Variants in CSMD1 observed in about 807,000 individuals in gnomAD.
CSMD1 encodes the protein CUB and sushi domain-containing protein 1.
CSMD1 carries 213 observed loss-of-function variants against 417.5 expected under a neutral mutation model. The ratio of observed to expected loss-of-function variants is 0.51; its 90% CI spans 0.46 to 0.57. The LOEUF (loss-of-function observed/expected upper bound fraction) is 0.57, where lower values mean the gene tolerates loss of function less well. CSMD1 is among the 20% of genes least tolerant of loss of function. The pLI, the probability that CSMD1 is intolerant of heterozygous loss-of-function variation, is 0.00. For missense variants in CSMD1, 6,923 were observed against 4,529.7 expected (o/e 1.53, Z -15.17); for synonymous variants, 2,862 against 1,736.8 (o/e 1.65, Z -16.11).
intron 5 of CSMD1, among the ~76,000 whole-genome samples, chr8:3,758,928 G>C: frequency 6.6e-6 from 1 of 152,180 alleles, no homozygotes. Flanking sequence ...AGGTAGAAGA[G>C]CCTGTGGACA....
In CSMD1 at chr8:3,547,367, C is replaced by A. The variant is rs12155816; in HGVS notation, c.1344+27578G>T. Among the ~76,000 whole-genome samples the A allele has an allele frequency of 5.5e-3, 837 of 152,222 alleles. 7 individuals carry two copies. The highest frequency in any genetic ancestry group is 0.01 in the Middle Eastern group (3 of 292). ...TTTGTACGGTCGAAAAATATCAAAA[C>A]CATTTAGTTTCCACACTGAAGAGGT... On this transcript the variant is annotated intron_variant, in intron 10 of 69. Coordinates refer to ENST00000635120, the MANE Select transcript of CSMD1 (RefSeq NM_033225.6).
intron 6 of CSMD1, among the ~76,000 whole-genome samples, chr8:3,730,008 G>A (rs890957526): frequency 1.4e-5 from 2 of 146,024 alleles, no homozygotes; most frequent in Non-Finnish European, 3.0e-5. Flanking sequence ...AAAGTTCAGA[G>A]GAGAAAAATC....
chr8:3,898,194 G>A (rs1218454578), intron 5 of CSMD1, among the ~76,000 whole-genome samples: 1 of 152,092 alleles, frequency 6.6e-6, no homozygotes, highest in Non-Finnish European at 1.5e-5. Flanking sequence ...CCAGCAACAA[G>A]CTTATGAGTA....
chr8:3,018,508 C>T lies in CSMD1; in HGVS notation c.7998G>A (p.Gly2666=), dbSNP rs779343512. Reference sequence around the variant, plus strand: ...ATCGAGTTTCGCTGCCGCTCCAGAGCCCATTTGCCAAGCACTCTCTGACAT... The same window carrying T: ...ATCGAGTTTCGCTGCCGCTCCAGAGTCCATTTGCCAAGCACTCTCTGACAT... The part of the protein sequence containing the change: ...GSHVRECLAN[G]LWSGSETRCL... The change falls in exon 52 of 70, where the codon GGG becomes GGA. Residue 2666 remains glycine (G), a synonymous_variant. Transcript: ENST00000635120. The T allele has an allele frequency of 1.2e-6, 2 of 1,613,508 alleles. No individual in the cohort carries two copies. Among genetic ancestry groups the T allele is most frequent in the Non-Finnish European group, 8.5e-7 (1 of 1,179,706 alleles).
chr8:4,642,271 C>T (rs1803239960), intron 1 of CSMD1, among the ~76,000 whole-genome samples: 1 of 152,188 alleles, frequency 6.6e-6, no homozygotes, highest in Admixed American at 6.5e-5. Context: ...GCAGGGCTCA[C>T]TGTGTCCTAT....
At chr8:3,919,014 G>A (rs999243667) in intron 5 of CSMD1, among the ~76,000 whole-genome samples, 4 of 151,830 alleles carry the variant, frequency 2.6e-5, no homozygotes, top group Non-Finnish European at 5.9e-5. Flanking sequence ...ACCTGCTCCA[G>A]AAACACCTAT....
At chr8:3,176,485 T>C (rs1452224341) in intron 37 of CSMD1, among the ~76,000 whole-genome samples, 1 of 152,142 alleles carries the variant, frequency 6.6e-6, no homozygotes, top group African/African-American at 2.4e-5. Context: ...GGTATAACTA[T>C]CTTTGAACTA....
At chr8:3,825,494 C>T (rs1011674171) in intron 5 of CSMD1, among the ~76,000 whole-genome samples, 2 of 151,994 alleles carry the variant, frequency 1.3e-5, no homozygotes, top group African/African-American at 4.8e-5. Flanking sequence ...AACAAATAAA[C>T]AAAAAGCCCT....
chr8:4,956,508 T>C (rs1475875242), intron 1 of CSMD1, among the ~76,000 whole-genome samples: 3 of 148,926 alleles, frequency 2.0e-5, no homozygotes, highest in African/African-American at 7.3e-5. Context: ...TATGTTATCA[T>C]ATACACACGT....
intron 5 of CSMD1, among the ~76,000 whole-genome samples, chr8:3,800,546 G>A (rs1377217752): frequency 6.6e-6 from 1 of 152,116 alleles, no homozygotes; most frequent in Admixed American, 6.6e-5. Context: ...ATAGAGGTAT[G>A]CAATGGCTTG....
At chr8:4,861,813 G>T (rs1349838798) in intron 1 of CSMD1, among the ~76,000 whole-genome samples, 1 of 151,966 alleles carries the variant, frequency 6.6e-6, no homozygotes, top group African/African-American at 2.4e-5. Flanking sequence ...ATTTATTAAA[G>T]AATTATGTAT....
Position 4,752,309 on chromosome 8 carries a change from T to G in CSMD1, c.86-114751A>C, listed in dbSNP as rs1057068806. Among the ~76,000 whole-genome samples the G allele has an allele frequency of 2.6e-5, 4 of 152,342 alleles. No individual in the cohort carries two copies. In the East Asian group the frequency reaches 5.8e-4, roughly 22 times the overall value. ...GCATTTAAAATAACCCTCTTTCACC[T>G]TGCTTGAAATTGCTTTATGTATTTC... On this transcript the variant is annotated intron_variant, in intron 1 of 69. Transcript: ENST00000635120.
intron 49 of CSMD1, among the ~76,000 whole-genome samples, chr8:3,059,525 G>A (rs942641107): frequency 3.3e-5 from 5 of 152,140 alleles, no homozygotes; most frequent in African/African-American, 1.2e-4. Flanking sequence ...GGGGACACAC[G>A]ACTCAGGGCC....
At chr8:3,639,358 A>C (rs1054273472) in intron 7 of CSMD1, among the ~76,000 whole-genome samples, 3 of 152,216 alleles carry the variant, frequency 2.0e-5, no homozygotes, top group Non-Finnish European at 4.4e-5. Context: ...AAGAGGAAAA[A>C]GAGAGAATGA....
chr8:3,018,425 A>C, intron 52 of CSMD1, 52 bp downstream of exon 52: 1 of 1,550,718 alleles, frequency 6.4e-7, no homozygotes, highest in Non-Finnish European at 8.8e-7. Context: ...GCTGTAATCT[A>C]TTTCTAAGGT....
At chr8:3,248,029 C>G (rs190014242) in intron 26 of CSMD1, among the ~76,000 whole-genome samples, 1 of 152,248 alleles carries the variant, frequency 6.6e-6, no homozygotes, top group East Asian at 1.9e-4. Flanking sequence ...AGACAACACT[C>G]AAGCATGAAC....
intron 7 of CSMD1, among the ~76,000 whole-genome samples, chr8:3,696,233 A>C (rs1800544626): frequency 6.6e-6 from 1 of 152,198 alleles, no homozygotes; most frequent in Non-Finnish European, 1.5e-5. Flanking sequence ...TAAAATAGGC[A>C]ATTTAGACAG....
At chr8:3,885,732 C>T (rs2129123998) in intron 5 of CSMD1, among the ~76,000 whole-genome samples, 1 of 152,220 alleles carries the variant, frequency 6.6e-6, no homozygotes, top group African/African-American at 2.4e-5. Flanking sequence ...TCAGGAATAT[C>T]AGCCCCTTCT....
At chr8:3,949,388 A>G (rs939289157) in intron 5 of CSMD1, among the ~76,000 whole-genome samples, 5 of 152,176 alleles carry the variant, frequency 3.3e-5, no homozygotes, top group Non-Finnish European at 1.5e-5. Flanking sequence ...CAACCACTTT[A>G]CTTCTCAGAC....
Sources: allele counts gnomAD v4.1 joint callset (sites outside exome capture counted in the v4.1 genomes callset), GRCh38; gene constraint gnomAD v4.1.1; transcripts MANE v1.5; gene names NCBI Gene and HGNC (gene_info 2026-07-23, HGNC 2026-07-21).